Variants in DLG2 observed in about 807,000 individuals in gnomAD.
The protein encoded by DLG2 is disks large homolog 2.
A neutral mutation model predicts 132.5 loss-of-function variants in DLG2; 45 were observed. The ratio of observed to expected loss-of-function variants is 0.34; its 90% CI spans 0.27 to 0.44. The LOEUF is 0.44. Ranked by LOEUF, DLG2 falls within the 20% of genes least tolerant of loss-of-function variation. DLG2 has a pLI of 1.00. For synonymous variants in DLG2, 424 were observed against 419.6 expected (o/e 1.01, Z -0.13); for missense variants, 1,045 against 1,196.9 (o/e 0.87, Z 1.87).
intron 8 of DLG2, among the ~76,000 whole-genome samples, chr11:84,203,995 T>C (rs1353679864): frequency 1.3e-5 from 2 of 152,212 alleles, no homozygotes; most frequent in Non-Finnish European, 2.9e-5. Flanking sequence ...TTTGCTCTTG[T>C]TGCCCAGCCT....
intron 7 of DLG2, among the ~76,000 whole-genome samples, chr11:84,352,867 A>G (rs1320735414): frequency 6.6e-6 from 1 of 152,084 alleles, no homozygotes; most frequent in African/African-American, 2.4e-5. Flanking sequence ...TTTTTGTCTT[A>G]AGTTTCTAAA....
At chr11:84,038,885 C>T (rs754924817) in intron 11 of DLG2, among the ~76,000 whole-genome samples, 1 of 151,958 alleles carries the variant, frequency 6.6e-6, no homozygotes, top group Non-Finnish European at 1.5e-5. Flanking sequence ...GGAAAAACCC[C>T]TTATAAAACC....
intron 4 of DLG2, among the ~76,000 whole-genome samples, chr11:85,190,969 C>T (rs2152530565): frequency 6.6e-6 from 1 of 152,262 alleles, no homozygotes; most frequent in Middle Eastern, 3.4e-3. Flanking sequence ...GAACTTAAAA[C>T]AAAACTGCCA....
chr11:83,465,118 T>G (rs1195862924), intron 26 of DLG2, among the ~76,000 whole-genome samples: 1 of 152,148 alleles, frequency 6.6e-6, no homozygotes, highest in East Asian at 1.9e-4. Flanking sequence ...GGAAAAACTC[T>G]TTATATTATA....
At chr11:85,122,077 A>C (rs530523659) in intron 5 of DLG2, among the ~76,000 whole-genome samples, 24 of 152,202 alleles carry the variant, frequency 1.6e-4, no homozygotes, top group Non-Finnish European at 2.1e-4. Flanking sequence ...AGAATCAATC[A>C]ACACTTGTAG....
intron 4 of DLG2, among the ~76,000 whole-genome samples, chr11:85,262,063 G>A (rs757996595): frequency 1.3e-5 from 2 of 152,136 alleles, no homozygotes; most frequent in African/African-American, 2.4e-5. Flanking sequence ...GGCAGAGATC[G>A]CAATCCTGAG....
intron 19 of DLG2, among the ~76,000 whole-genome samples, chr11:83,588,040 G>C (rs112066330): frequency 2.0e-5 from 3 of 152,178 alleles, no homozygotes; most frequent in African/African-American, 7.2e-5. Flanking sequence ...ACTGCAAGGC[G>C]GCAGCGAGGC....
chr11:84,747,683 C>T (rs2065557611), intron 6 of DLG2, among the ~76,000 whole-genome samples: 3 of 152,076 alleles, frequency 2.0e-5, no homozygotes, highest in Admixed American at 2.0e-4. Flanking sequence ...TTCCTCTATC[C>T]CTAGTGCTCC....
chr11:83,614,650 G>A (rs1029439489), intron 19 of DLG2, among the ~76,000 whole-genome samples: 5 of 152,060 alleles, frequency 3.3e-5, no homozygotes, highest in African/African-American at 1.2e-4. Context: ...GCCTGGGGAG[G>A]TTGAGGCTGC....
chr11:85,097,167 A>G (rs2069975640), intron 6 of DLG2, among the ~76,000 whole-genome samples: 1 of 152,160 alleles, frequency 6.6e-6, no homozygotes, highest in African/African-American at 2.4e-5. Flanking sequence ...TTCCACTTCT[A>G]AAAACCACTT....
chr11:85,011,559 C>T (rs943348132), intron 6 of DLG2, among the ~76,000 whole-genome samples: 6 of 152,264 alleles, frequency 3.9e-5, no homozygotes, highest in South Asian at 2.1e-4. Flanking sequence ...TCTTTGACTT[C>T]GACTGACTGT....
chr11:85,229,099 C>T (rs1022913001), intron 4 of DLG2, among the ~76,000 whole-genome samples: 1 of 151,802 alleles, frequency 6.6e-6, no homozygotes, highest in African/African-American at 2.4e-5. Flanking sequence ...AAGAACCTTA[C>T]AACTGTACAC....
chr11:84,899,130 T>C (rs1031417139), intron 6 of DLG2, among the ~76,000 whole-genome samples: 4 of 151,948 alleles, frequency 2.6e-5, no homozygotes, highest in African/African-American at 7.2e-5. Flanking sequence ...ATTAAATAAA[T>C]AAAACTGATA....
chr11:84,551,079 A>G (rs1328993753), intron 6 of DLG2, among the ~76,000 whole-genome samples: 5 of 152,174 alleles, frequency 3.3e-5, no homozygotes, highest in Admixed American at 3.3e-4. Context: ...GCTGGTGTCA[A>G]TGGCATTGGA....
At chr11:84,662,957 C>T (rs185416102) in intron 6 of DLG2, among the ~76,000 whole-genome samples, 55 of 152,026 alleles carry the variant, frequency 3.6e-4, no homozygotes, top group African/African-American at 1.3e-3. Flanking sequence ...TATAATTAAG[C>T]CCTGAGAGGA....
At chr11:84,787,404 T>C (rs993916349) in intron 6 of DLG2, among the ~76,000 whole-genome samples, 1 of 152,202 alleles carries the variant, frequency 6.6e-6, no homozygotes. Context: ...CTGTTCCCTA[T>C]GCACAGAAGG....
chr11:83,517,210 G>A (rs2095325748), intron 21 of DLG2, among the ~76,000 whole-genome samples: 1 of 152,164 alleles, frequency 6.6e-6, no homozygotes, highest in African/African-American at 2.4e-5. Flanking sequence ...TTTCTTGGAG[G>A]CTTTGTGCAT....
chr11:85,501,828 A>C (rs1253828895), intron 3 of DLG2, among the ~76,000 whole-genome samples: 1 of 152,168 alleles, frequency 6.6e-6, no homozygotes, highest in Non-Finnish European at 1.5e-5. Context: ...TGGGAGTATA[A>C]ATTAGTTCAA....
chr11:83,529,901 A>G (rs2095695754), intron 21 of DLG2, among the ~76,000 whole-genome samples: 1 of 152,122 alleles, frequency 6.6e-6, no homozygotes, highest in African/African-American at 2.4e-5. Context: ...AACATGTATA[A>G]TTAGAAAGCA....
Sources: allele counts gnomAD v4.1 joint callset (sites outside exome capture counted in the v4.1 genomes callset), GRCh38; gene constraint gnomAD v4.1.1; transcripts MANE v1.5; gene names NCBI Gene and HGNC (gene_info 2026-07-23, HGNC 2026-07-21).